MAF: variants seen among roughly 807,000 people sequenced by gnomAD.
The protein encoded by MAF is transcription factor Maf.
Under a neutral mutation model 22.0 loss-of-function variants are expected in MAF, and 10 were observed. The ratio of observed to expected loss-of-function variants is 0.45; its 90% CI spans 0.28 to 0.77. The LOEUF (loss-of-function observed/expected upper bound fraction) is 0.77, where lower values mean the gene tolerates loss of function less well. MAF is among the 30% of genes least tolerant of loss of function. The pLI is 0.12. For synonymous variants in MAF, 337 were observed against 255.8 expected (o/e 1.32, Z -3.03); for missense variants, 544 against 548.4 (o/e 0.99, Z 0.08).
At chr16:79,553,006 T>C in the MAF span, among the ~76,000 whole-genome samples, 1 of 152,216 alleles carries the variant, frequency 6.6e-6, no homozygotes, top group Non-Finnish European at 1.5e-5. Context: ...AACTTTGGGA[T>C]ATAGGCAAAT....
At chr16:79,452,729 T>A in the MAF span, among the ~76,000 whole-genome samples, 1 of 152,114 alleles carries the variant, frequency 6.6e-6, no homozygotes, top group African/African-American at 2.4e-5. Flanking sequence ...GTTAAAGGGA[T>A]GTGGGCAGAG....
At chr16:79,269,460 G>A in the MAF span, among the ~76,000 whole-genome samples, 2 of 151,976 alleles carry the variant, frequency 1.3e-5, no homozygotes, top group Non-Finnish European at 2.9e-5. Flanking sequence ...GGTATGGGTG[G>A]GTGTGGACAG....
chr16:79,509,461 G>C, the MAF span, among the ~76,000 whole-genome samples: 1 of 152,202 alleles, frequency 6.6e-6, no homozygotes, highest in African/African-American at 2.4e-5. Flanking sequence ...TACACAGCTT[G>C]GCTGGCAAGG....
the MAF span, among the ~76,000 whole-genome samples, chr16:79,315,671 A>G: frequency 6.6e-6 from 1 of 152,228 alleles, no homozygotes; most frequent in Non-Finnish European, 1.5e-5. Flanking sequence ...CTATGTTTTA[A>G]TTACACTGCC....
the MAF span, among the ~76,000 whole-genome samples, chr16:79,242,499 G>C: frequency 8.5e-5 from 13 of 152,048 alleles, no homozygotes; most frequent in African/African-American, 2.9e-4. Context: ...AACAAGAAGA[G>C]ATAACTATCC....
chr16:79,334,125 G>C, the MAF span, among the ~76,000 whole-genome samples: 3 of 152,188 alleles, frequency 2.0e-5, no homozygotes, highest in Non-Finnish European at 4.4e-5. Context: ...AACTTCATTT[G>C]TTCACCAAAG....
the MAF span, among the ~76,000 whole-genome samples, chr16:79,307,081 A>T: frequency 1.2e-4 from 18 of 152,298 alleles, no homozygotes; most frequent in Admixed American, 8.5e-4. Flanking sequence ...GGATCCCAAA[A>T]ACCTGACCTT....
the MAF span, among the ~76,000 whole-genome samples, chr16:79,297,506 G>C: frequency 1.3e-5 from 2 of 152,242 alleles, no homozygotes; most frequent in South Asian, 2.1e-4. Flanking sequence ...GACCATATTT[G>C]GTAGTTGTGC....
the MAF span, among the ~76,000 whole-genome samples, chr16:79,286,718 G>T: frequency 6.6e-6 from 1 of 152,164 alleles, no homozygotes; most frequent in Non-Finnish European, 1.5e-5. Context: ...TTTAACAGGT[G>T]AAACAACCCA....
In MAF at chr16:79,600,143, C is replaced by T. The variant is rs1232710510; in HGVS notation, c.-241G>A. On this transcript the variant is annotated 5_prime_UTR_variant, in exon 1 of 2. Coordinates refer to ENST00000326043, the MANE Select transcript of MAF (RefSeq NM_005360.5). The stretch of plus-strand genomic sequence containing the variant: ...CTGCTCACGCCAATGTGCTCCCTCG[C>T]TCGCCCCGGCCCCTCCTTGCTCGCT... 7 of 483,628 alleles carry T rather than the reference C, an allele frequency of 1.4e-5. No individual in the cohort carries two copies. Among genetic ancestry groups the T allele is most frequent in the East Asian group, 3.7e-5 (1 of 27,278 alleles). 30.0% of individuals were successfully genotyped at this position (483,628 alleles called of 1,614,324 possible).
At chr16:79,238,708 G>A in the MAF span, among the ~76,000 whole-genome samples, 12 of 152,132 alleles carry the variant, frequency 7.9e-5, no homozygotes, top group African/African-American at 1.9e-4. Context: ...CATGCATACA[G>A]TATGGGATAT....
the MAF span, among the ~76,000 whole-genome samples, chr16:79,361,671 G>T: frequency 6.6e-6 from 1 of 151,944 alleles, no homozygotes; most frequent in African/African-American, 2.4e-5. Context: ...ACGTCTGCAC[G>T]AAAGATTGGT....
chr16:79,554,508 T>A, the MAF span, among the ~76,000 whole-genome samples: 2 of 152,108 alleles, frequency 1.3e-5, no homozygotes, highest in African/African-American at 4.8e-5. Flanking sequence ...GGAATCTAAA[T>A]GGGATTTTAG....
the MAF span, among the ~76,000 whole-genome samples, chr16:79,509,982 C>T: frequency 1.2e-4 from 19 of 152,238 alleles, no homozygotes; most frequent in African/African-American, 2.9e-4. Context: ...CTGAGTTTGC[C>T]GTAGGAAGCA....
chr16:79,520,948 T>C, the MAF span, among the ~76,000 whole-genome samples: 2 of 152,208 alleles, frequency 1.3e-5, no homozygotes, highest in East Asian at 3.9e-4. Context: ...CATCACCATA[T>C]TTTAGATGAA....
the MAF span, among the ~76,000 whole-genome samples, chr16:79,338,496 A>C: frequency 6.6e-6 from 1 of 152,270 alleles, no homozygotes; most frequent in African/African-American, 2.4e-5. Context: ...TGCTTTAGGC[A>C]AATCTCGCGG....
At chr16:79,296,723 C>T in the MAF span, among the ~76,000 whole-genome samples, 6 of 151,950 alleles carry the variant, frequency 3.9e-5, no homozygotes, top group Non-Finnish European at 7.4e-5. Context: ...AAACAGAAAC[C>T]TCAGGCCTCA....
At chr16:79,395,990 C>T in the MAF span, among the ~76,000 whole-genome samples, 9 of 152,296 alleles carry the variant, frequency 5.9e-5, no homozygotes, top group South Asian at 6.2e-4. Context: ...GCCTCAGTTC[C>T]GGCTCTCCAA....
At chr16:79,321,095 T>G in the MAF span, among the ~76,000 whole-genome samples, 1 of 152,232 alleles carries the variant, frequency 6.6e-6, no homozygotes, top group Non-Finnish European at 1.5e-5. Flanking sequence ...GTTTGTTTAC[T>G]CAGTGATGCA....
Sources: allele counts gnomAD v4.1 joint callset (sites outside exome capture counted in the v4.1 genomes callset), GRCh38; gene constraint gnomAD v4.1.1; transcripts MANE v1.5; gene names NCBI Gene and HGNC (gene_info 2026-07-23, HGNC 2026-07-21).